Variants in CHN2 observed in about 807,000 individuals in gnomAD.
CHN2 encodes beta-chimaerin.
Under a neutral mutation model 56.3 loss-of-function variants are expected in CHN2, and 35 were observed. The observed-to-expected ratio is 0.62, with a 90% CI of 0.47 to 0.82. CHN2 has a LOEUF of 0.82. Ranked by LOEUF, CHN2 falls within the 40% of genes least tolerant of loss-of-function variation. The pLI is 0.00. For missense variants in CHN2, 491 were observed against 580.5 expected (o/e 0.85, Z 1.58); for synonymous variants, 210 against 212.8 (o/e 0.99, Z 0.12).
At chr7:29,455,265 G>A (rs781248588) in intron 6 of CHN2, among the ~76,000 whole-genome samples, 13 of 152,290 alleles carry the variant, frequency 8.5e-5, no homozygotes, top group African/African-American at 2.4e-4. Flanking sequence ...AGATTGCCTC[G>A]TACAATTCCC....
intron 2 of CHN2, among the ~76,000 whole-genome samples, chr7:29,186,911 C>T (rs1048028805): frequency 6.6e-6 from 1 of 152,114 alleles, no homozygotes; most frequent in South Asian, 2.1e-4. Flanking sequence ...ATAATATCTA[C>T]AGCTGGAGTT....
intron 3 of CHN2, among the ~76,000 whole-genome samples, chr7:29,381,446 A>T (rs1282392949): frequency 5.3e-5 from 8 of 152,178 alleles, no homozygotes; most frequent in Non-Finnish European, 8.8e-5. Flanking sequence ...TCACGGTGCC[A>T]AAGAAGATGT....
intron 3 of CHN2, among the ~76,000 whole-genome samples, chr7:29,388,609 C>T (rs1256181525): frequency 6.6e-6 from 1 of 152,146 alleles, no homozygotes; most frequent in Non-Finnish European, 1.5e-5. Context: ...CAGATCTGGC[C>T]TCAAACCTAG....
chr7:29,426,206 CAAAAAAAAA>C (rs10630481), intron 6 of CHN2, among the ~76,000 whole-genome samples: 11,454 of 83,984 alleles, frequency 0.14, 1,256 homozygotes, highest in African/African-American at 0.35. Context: ...GACTCTGTCT[CAAAAAAAAA>C]AAAAAAAAAA....
rs76206290 is a variant in CHN2, at chr7:29,477,406, A to T, written c.577-2873A>T. Among the ~76,000 whole-genome samples the T allele has an allele frequency of 8.5e-3, 1,291 of 152,350 alleles. 23 individuals are homozygous for T. Among genetic ancestry groups the T allele is most frequent in the African/African-American group, 0.029 (1,203 of 41,586 alleles). On this transcript the variant is annotated intron_variant, in intron 6 of 12. Transcript: ENST00000222792. ...TAAATCTCATTGTATTCAACCATCC[A>T]TAGACCAAAAGGAGGAGATTCTTTT...
At chr7:29,354,932 G>A (rs1289930723) in intron 2 of CHN2, among the ~76,000 whole-genome samples, 1 of 92,906 alleles carries the variant, frequency 1.1e-5, no homozygotes, top group Non-Finnish European at 2.3e-5. Context: ...TTCAGTTTGG[G>A]GCTTTATTTT....
chr7:29,242,698 T>A (rs1286144294), intron 1 of CHN2, among the ~76,000 whole-genome samples: 2 of 125,850 alleles, frequency 1.6e-5, no homozygotes, highest in African/African-American at 6.1e-5. Context: ...GTTTAAATGC[T>A]AAAATCCTGA....
intron 1 of CHN2, among the ~76,000 whole-genome samples, chr7:29,263,549 C>T (rs1304719184): frequency 1.3e-5 from 2 of 151,782 alleles, no homozygotes; most frequent in Non-Finnish European, 2.9e-5. Flanking sequence ...TGAGGAGCGC[C>T]TCTTTCCAGC....
intron 2 of CHN2, among the ~76,000 whole-genome samples, chr7:29,183,287 T>A (rs1798298074): frequency 1.3e-5 from 2 of 152,058 alleles, no homozygotes; most frequent in Non-Finnish European, 2.9e-5. Flanking sequence ...TTTCTCCATG[T>A]TGGTCAGGCT....
rs1785216333 is a variant in CHN2, at chr7:29,462,171, T to G, written c.577-18108T>G. On this transcript the variant is annotated intron_variant, in intron 6 of 12. Transcript: ENST00000222792. ...TATAACACTGCTGAGCATTAATTCT[T>G]TTTTAAAAACTTGATGAGTTTGCAT... is the stretch of plus-strand genomic sequence containing the variant. Among the ~76,000 whole-genome samples the G allele has an allele frequency of 3.3e-5, 5 of 152,332 alleles. No individual in the cohort carries two copies. The South Asian group carries it at 1.0e-3, about 32-fold the overall frequency.
chr7:29,275,512 T>G (rs2128853729), intron 1 of CHN2, among the ~76,000 whole-genome samples: 1 of 152,324 alleles, frequency 6.6e-6, no homozygotes, highest in South Asian at 2.1e-4. Context: ...TTAAAATAAA[T>G]GAATATATAA....
chr7:29,389,948 G>A (rs1261977708), intron 3 of CHN2, among the ~76,000 whole-genome samples: 1 of 151,608 alleles, frequency 6.6e-6, no homozygotes, highest in African/African-American at 2.4e-5. Context: ...CAGCTACTCA[G>A]GAGGCTGAGA....
chr7:29,417,969 G>T (rs1459260595), intron 6 of CHN2, among the ~76,000 whole-genome samples: 1 of 152,182 alleles, frequency 6.6e-6, no homozygotes, highest in Non-Finnish European at 1.5e-5. Context: ...TGTGAGGCTG[G>T]AGAGTCGCTT....
intron 6 of CHN2, among the ~76,000 whole-genome samples, chr7:29,432,524 T>C (rs6462139): frequency 0.012 from 1,834 of 152,242 alleles, 48 homozygotes; most frequent in African/African-American, 0.042. Context: ...AATTAAAGGA[T>C]CCTAACTCAG....
intron 7 of CHN2, among the ~76,000 whole-genome samples, chr7:29,492,915 G>A (rs1788817532): frequency 6.6e-6 from 1 of 152,136 alleles, no homozygotes; most frequent in Admixed American, 6.5e-5. Context: ...TTGGCTTCTG[G>A]AACACTTTGT....
At chr7:29,202,709 C>T (rs1471062138) in intron 1 of CHN2, among the ~76,000 whole-genome samples, 3 of 152,194 alleles carry the variant, frequency 2.0e-5, no homozygotes, top group Non-Finnish European at 2.9e-5. Flanking sequence ...TTTTATCGGG[C>T]CCCATCATTG....
intron 2 of CHN2, among the ~76,000 whole-genome samples, chr7:29,364,779 T>C (rs1585168984): frequency 6.6e-6 from 1 of 152,344 alleles, no homozygotes; most frequent in South Asian, 2.1e-4. Flanking sequence ...GCAATACATA[T>C]GATTCAAAAC....
chr7:29,429,903 A>C (rs1357713183), intron 6 of CHN2, among the ~76,000 whole-genome samples: 1 of 152,224 alleles, frequency 6.6e-6, no homozygotes, highest in Non-Finnish European at 1.5e-5. Flanking sequence ...CTTCGTAGCT[A>C]TATCTTCGAT....
intron 6 of CHN2, 178 bp downstream of exon 6, chr7:29,401,006 G>T: frequency 1.6e-6 from 1 of 633,706 alleles, no homozygotes; most frequent in South Asian, 2.0e-5. Flanking sequence ...GGGCGTGGTG[G>T]CTCATGCCTG....
Sources: gnomAD v4.1 joint callset for allele counts (sites outside exome capture counted in the v4.1 genomes callset) on GRCh38, gnomAD v4.1.1 for gene constraint, MANE v1.5 for transcripts, NCBI Gene and HGNC (gene_info 2026-07-23, HGNC 2026-07-21) for gene names.